Variants in KCND2 observed in about 807,000 individuals in gnomAD.
KCND2 encodes the protein potassium voltage-gated channel subfamily D member 2.
In KCND2, 16 loss-of-function variants were observed where a neutral mutation model predicts 54.4. The ratio of observed to expected loss-of-function variants is 0.29; its 90% CI spans 0.20 to 0.45. The LOEUF (loss-of-function observed/expected upper bound fraction) is 0.45. Among genes scored for constraint, KCND2 ranks in the 20% least tolerant of loss-of-function variants. KCND2 has a pLI of 1.00. For missense variants in KCND2, 486 were observed against 824.2 expected (o/e 0.59, Z 5.02); for synonymous variants, 317 against 310.7 (o/e 1.02, Z -0.21).
At chr7:120,618,353 A>G (rs1793055033) in intron 1 of KCND2, among the ~76,000 whole-genome samples, 1 of 152,206 alleles carries the variant, frequency 6.6e-6, no homozygotes, top group African/African-American at 2.4e-5. Flanking sequence ...ATGCCTGTAG[A>G]TAATGTGAAT....
intron 1 of KCND2, among the ~76,000 whole-genome samples, chr7:120,461,705 A>G (rs559189464): frequency 6.6e-6 from 1 of 152,262 alleles, no homozygotes; most frequent in East Asian, 1.9e-4. Flanking sequence ...AGATTAATGG[A>G]AATTGTGTTA....
intron 1 of KCND2, among the ~76,000 whole-genome samples, chr7:120,704,754 G>A (rs1416888738): frequency 6.6e-6 from 1 of 152,058 alleles, no homozygotes; most frequent in Non-Finnish European, 1.5e-5. Context: ...ATCCTGTTTT[G>A]CCTTTTATCA....
At chr7:120,606,257 T>G (rs766458560) in intron 1 of KCND2, among the ~76,000 whole-genome samples, 1 of 152,198 alleles carries the variant, frequency 6.6e-6, no homozygotes, top group Non-Finnish European at 1.5e-5. Context: ...ACTTTTATAT[T>G]GTTGTATTGT....
intron 1 of KCND2, among the ~76,000 whole-genome samples, chr7:120,696,744 C>T (rs1460152826): frequency 6.6e-6 from 1 of 152,162 alleles, no homozygotes. Flanking sequence ...TTTTCTTGCC[C>T]TTCTGTCTTC....
chr7:120,408,751 A>G (rs1344376427), intron 1 of KCND2, among the ~76,000 whole-genome samples: 6 of 151,882 alleles, frequency 4.0e-5, no homozygotes, highest in Non-Finnish European at 5.9e-5. Context: ...ATTGACGGAC[A>G]GAATCAGAGA....
intron 1 of KCND2, among the ~76,000 whole-genome samples, chr7:120,383,315 G>A (rs187015694): frequency 1.2e-4 from 18 of 151,748 alleles, no homozygotes; most frequent in African/African-American, 3.6e-4. Context: ...CTTTCTACCC[G>A]CATTTACTCT....
At chr7:120,403,359 C>A (rs1584764329) in intron 1 of KCND2, among the ~76,000 whole-genome samples, 1 of 151,780 alleles carries the variant, frequency 6.6e-6, no homozygotes, top group African/African-American at 2.4e-5. Flanking sequence ...CTCGGTCACC[C>A]AGGCTGGGGT....
At chr7:120,634,971 C>G (rs924953920) in intron 1 of KCND2, among the ~76,000 whole-genome samples, 1 of 152,190 alleles carries the variant, frequency 6.6e-6, no homozygotes, top group Non-Finnish European at 1.5e-5. Flanking sequence ...GTTCCCCTGT[C>G]CTGGGATATT....
intron 1 of KCND2, among the ~76,000 whole-genome samples, chr7:120,664,860 A>G (rs1408814711): frequency 1.3e-5 from 2 of 152,114 alleles, no homozygotes; most frequent in Non-Finnish European, 2.9e-5. Flanking sequence ...AAACTTTACT[A>G]TAATGCTCAA....
intron 1 of KCND2, among the ~76,000 whole-genome samples, chr7:120,346,459 A>G (rs965089717): frequency 2.0e-5 from 3 of 152,166 alleles, no homozygotes; most frequent in African/African-American, 7.2e-5. Flanking sequence ...AATATTAGCT[A>G]TTAATGCTCA....
intron 1 of KCND2, among the ~76,000 whole-genome samples, chr7:120,499,456 T>A (rs1802899802): frequency 6.6e-6 from 1 of 152,186 alleles, no homozygotes; most frequent in East Asian, 1.9e-4. Flanking sequence ...TTCTATTTTG[T>A]GCACTGTGTT....
At chr7:120,442,495 GC>G (rs1220550791) in intron 1 of KCND2, among the ~76,000 whole-genome samples, 1 of 151,656 alleles carries the variant, frequency 6.6e-6, no homozygotes, top group Admixed American at 6.6e-5. Flanking sequence ...AAAATGGCAT[GC>G]AAAAGTAAGT....
chr7:120,591,535 A>G (rs757423651), intron 1 of KCND2, among the ~76,000 whole-genome samples: 4 of 152,252 alleles, frequency 2.6e-5, no homozygotes, highest in African/African-American at 9.6e-5. Flanking sequence ...GAAAGGCACT[A>G]TAGAAATACA....
chr7:120,670,952 C>T (rs1472612051), intron 1 of KCND2, among the ~76,000 whole-genome samples: 1 of 151,274 alleles, frequency 6.6e-6, no homozygotes, highest in African/African-American at 2.4e-5. Flanking sequence ...GATGAATGTA[C>T]AACATTGGTG....
chr7:120,294,241 A>G (rs1799476780), intron 1 of KCND2, among the ~76,000 whole-genome samples: 1 of 151,996 alleles, frequency 6.6e-6, no homozygotes, highest in Non-Finnish European at 1.5e-5. Context: ...TGACTGGTTA[A>G]AATATACATT....
intron 1 of KCND2, among the ~76,000 whole-genome samples, chr7:120,462,387 A>G (rs753549744): frequency 6.6e-6 from 1 of 151,636 alleles, no homozygotes; most frequent in Non-Finnish European, 1.5e-5. Flanking sequence ...TTGCCACTCA[A>G]CTCTCTTGTA....
At chr7:120,568,472 G>C (rs991202319) in intron 1 of KCND2, among the ~76,000 whole-genome samples, 1 of 152,026 alleles carries the variant, frequency 6.6e-6, no homozygotes, top group Non-Finnish European at 1.5e-5. Context: ...TTCTTTCAAA[G>C]TACATTTGTA....
intron 1 of KCND2, among the ~76,000 whole-genome samples, chr7:120,636,365 G>A (rs1347190582): frequency 1.3e-5 from 2 of 152,020 alleles, no homozygotes; most frequent in African/African-American, 4.8e-5. Flanking sequence ...TTACTATTAT[G>A]ATAAGTGCTC....
At chr7:120,488,647 A>G (rs1802728269) in intron 1 of KCND2, among the ~76,000 whole-genome samples, 1 of 152,116 alleles carries the variant, frequency 6.6e-6, no homozygotes, top group Admixed American at 6.5e-5. Flanking sequence ...CTCACAGGCT[A>G]TTTAACCTCT....
Sources: allele counts gnomAD v4.1 joint callset (sites outside exome capture counted in the v4.1 genomes callset), GRCh38; gene constraint gnomAD v4.1.1; transcripts MANE v1.5; gene names NCBI Gene and HGNC (gene_info 2026-07-23, HGNC 2026-07-21).